The following STAB2 variants were observed in gnomAD, a reference collection of about 807,000 sequenced individuals.
STAB2 encodes the protein stabilin 2.
In STAB2, 288 loss-of-function variants were observed where a neutral mutation model predicts 338.1. The ratio of observed to expected loss-of-function variants is 0.85; its 90% CI spans 0.77 to 0.94. The LOEUF is 0.94. Among genes scored for constraint, STAB2 ranks in the 40% least tolerant of loss-of-function variants. STAB2 has a pLI of 0.00. For missense variants in STAB2, 3,141 were observed against 3,210.1 expected (o/e 0.98, Z 0.52); for synonymous variants, 1,202 against 1,193.3 (o/e 1.01, Z -0.15).
Position 103,759,187 on chromosome 12 carries a change from T to C in STAB2, c.7162T>C (p.Tyr2388His). 1 of 1,614,174 alleles carries C rather than the reference T, an allele frequency of 6.2e-7. No homozygotes were observed. Among genetic ancestry groups the C allele is most frequent in the Non-Finnish European group, 8.5e-7 (1 of 1,180,026 alleles). Residue 2388 changes from tyrosine to histidine, a missense_variant, in exon 65 of 69, where the codon TAC (tyrosine) becomes CAC (histidine). Physicochemically the swap from Tyr to His is moderately conservative, Grantham distance 83. Transcript: ENST00000388887. ...CCTCGCCAATGTCAGCATGTTTTTC[T>C]ACAATGACCTTGTCAATGGCACCAC... ...HHLANVSMFFYNDLVNGTTLQ... is the reference protein window; with the variant it reads ...HHLANVSMFFHNDLVNGTTLQ...
intron 3 of STAB2, among the ~76,000 whole-genome samples, chr12:103,617,146 G>A (rs703610): frequency 0.39 from 59,776 of 152,024 alleles, 13,227 homozygotes; most frequent in East Asian, 0.62. Flanking sequence ...ATGAAGTGAT[G>A]AGAGCTCTAG....
chr12:103,744,644 T>C (rs1444477261), intron 56 of STAB2, among the ~76,000 whole-genome samples: 4 of 151,492 alleles, frequency 2.6e-5, no homozygotes, highest in Non-Finnish European at 5.9e-5. Flanking sequence ...TTTTTGTTTG[T>C]TGTTGTTGTT....
chr12:103,760,079 TCTA>T (rs1884426633), intron 65 of STAB2, among the ~76,000 whole-genome samples: 1 of 152,212 alleles, frequency 6.6e-6, no homozygotes, highest in South Asian at 2.1e-4. Flanking sequence ...CATTTCGTCA[TCTA>T]CTCCCAGTCT....
intron 20 of STAB2, chr12:103,669,194 T>G: frequency 3.6e-6 from 1 of 280,598 alleles, no homozygotes; most frequent in South Asian, 6.0e-5. Context: ...GATAATACTT[T>G]GTTTTCCCAG....
At chr12:103,625,663 T>C (rs1000601336) in intron 5 of STAB2, among the ~76,000 whole-genome samples, 1 of 152,214 alleles carries the variant, frequency 6.6e-6, no homozygotes, top group Admixed American at 6.5e-5. Context: ...TCCAGCTTCA[T>C]CCATGTCCCT....
At chr12:103,640,038 A>T in intron 8 of STAB2, 85 bp from the exon 9 acceptor site, 1 of 1,473,846 alleles carries the variant, frequency 6.8e-7, no homozygotes, top group Non-Finnish European at 9.1e-7. Context: ...TTTTTATGGA[A>T]GAATAAAAAT....
At chr12:103,613,515 C>T (rs186519209) in intron 3 of STAB2, among the ~76,000 whole-genome samples, 163 of 152,224 alleles carry the variant, frequency 1.1e-3, no homozygotes, top group African/African-American at 3.6e-3. Flanking sequence ...CCTGGTGTGC[C>T]GTTTGCTAAG....
intron 15 of STAB2, among the ~76,000 whole-genome samples, chr12:103,656,740 G>C (rs1376094841): frequency 4.3e-5 from 6 of 140,866 alleles, no homozygotes; most frequent in African/African-American, 1.6e-4. Flanking sequence ...ACTGCGGACT[G>C]CAGTGGCGCA....
intron 3 of STAB2, among the ~76,000 whole-genome samples, chr12:103,608,552 A>G (rs1340598059): frequency 2.0e-5 from 3 of 152,080 alleles, no homozygotes; most frequent in Non-Finnish European, 4.4e-5. Context: ...GTTCTTGTAA[A>G]TTTGTTTGAG....
intron 2 of STAB2, among the ~76,000 whole-genome samples, chr12:103,591,749 A>T (rs1036244622): frequency 6.6e-6 from 1 of 152,208 alleles, no homozygotes; most frequent in South Asian, 2.1e-4. Context: ...TAAACTTTGC[A>T]TTCTTGAAGA....
chr12:103,677,464 C>G lies in STAB2; in HGVS notation c.2658C>G (p.Ile886Met). The G allele has an allele frequency of 1.2e-6, 2 of 1,611,214 alleles. No individual in the cohort carries two copies. The highest frequency in any genetic ancestry group is 1.7e-6 in the Non-Finnish European group (2 of 1,177,610). ...PGGCSRNAEC[I>M]KTGTGTHTCV... Reference sequence around the variant, plus strand: ...TTTTCCTCCTGCAGGCAGAATGCATCAAAACTGGCACGGGCACCCACACCT... The same window carrying G: ...TTTTCCTCCTGCAGGCAGAATGCATGAAAACTGGCACGGGCACCCACACCT... The change falls in exon 25 of 69, where the codon ATC becomes ATG. Residue 886 changes from isoleucine to methionine, a missense_variant. Physicochemically the swap from Ile to Met is conservative, Grantham distance 10. Transcript: ENST00000388887.
At chr12:103,737,574 T>TTGTC in intron 52 of STAB2, 60 bp from the exon 53 acceptor site, 14 of 1,015,886 alleles carry the variant, frequency 1.4e-5, no homozygotes, top group Non-Finnish European at 1.9e-5. Flanking sequence ...GATTGACTGT[T>TTGTC]TCTCTCTCTC....
intron 3 of STAB2, among the ~76,000 whole-genome samples, chr12:103,615,963 C>T (rs1258630139): frequency 6.6e-6 from 1 of 152,126 alleles, no homozygotes; most frequent in Non-Finnish European, 1.5e-5. Flanking sequence ...TAGGTGGGGA[C>T]ACAGCCAAAC....
In STAB2 at chr12:103,758,168, A is replaced by G; in HGVS notation, c.6988-2A>G. On this transcript the variant is annotated splice_acceptor_variant, in intron 63 of 68. Transcript: ENST00000388887. LOFTEE classifies it high-confidence loss of function. ...CTCTGATGACTTCCTTCTTCTCCCCAGGAAGTGCTGGCCTATTCCAACAGC... is the reference window on the plus strand; with the variant it reads ...CTCTGATGACTTCCTTCTTCTCCCCGGGAAGTGCTGGCCTATTCCAACAGC... 4 of 1,613,976 alleles carry G rather than the reference A, an allele frequency of 2.5e-6. No individual in the cohort carries two copies. The highest frequency in any genetic ancestry group is 3.4e-6 in the Non-Finnish European group (4 of 1,180,002).
At chr12:103,758,777 G>C (rs929587995) in intron 64 of STAB2, among the ~76,000 whole-genome samples, 8 of 152,232 alleles carry the variant, frequency 5.3e-5, no homozygotes, top group Admixed American at 1.3e-4. Flanking sequence ...ACGGCACACA[G>C]AGGATTGGCG....
chr12:103,707,033 A>G (rs779157934), intron 38 of STAB2, 46 bp downstream of exon 38: 3 of 1,599,012 alleles, frequency 1.9e-6, no homozygotes, highest in African/African-American at 2.7e-5. Context: ...GCTGAAACCA[A>G]CCAGGAATAT....
chr12:103,735,576 A>G lies in STAB2; in HGVS notation c.5546A>G (p.Asp1849Gly), dbSNP rs1461835618. ...ELSVKCGAGR[D>G]IGDLFLNGQT... The stretch of plus-strand genomic sequence containing the variant: ...AGTGTGAAATGTGGAGCTGGCAGGG[A>G]CATCGTGAGTATCATCATGAAGGGT... Residue 1849 changes from aspartate to glycine, a missense_variant, in exon 52 of 69, where the codon GAC becomes GGC. Transcript: ENST00000388887. 3 of 1,607,782 alleles carry G rather than the reference A, an allele frequency of 1.9e-6. No homozygotes were observed. Among genetic ancestry groups the G allele is most frequent in the Non-Finnish European group, 1.7e-6 (2 of 1,177,506 alleles).
intron 3 of STAB2, among the ~76,000 whole-genome samples, chr12:103,620,185 G>C (rs1332246035): frequency 6.6e-6 from 1 of 152,186 alleles, no homozygotes; most frequent in African/African-American, 2.4e-5. Context: ...AACCACCCCT[G>C]AAGGTTGCAA....
chr12:103,754,625 G>A (rs948380060), intron 61 of STAB2, among the ~76,000 whole-genome samples: 7 of 152,164 alleles, frequency 4.6e-5, no homozygotes, highest in African/African-American at 1.4e-4. Context: ...TTATAATAAC[G>A]ATGAGAGCAA....
Sources: allele counts gnomAD v4.1 joint callset (sites outside exome capture counted in the v4.1 genomes callset), GRCh38; gene constraint gnomAD v4.1.1; transcripts MANE v1.5; gene names NCBI Gene and HGNC (gene_info 2026-07-23, HGNC 2026-07-21).